The following SNX29 variants were observed in gnomAD, a reference collection of about 807,000 sequenced individuals.
SNX29 encodes sorting nexin 29, also known as sorting nexin-29.
SNX29 carries 78 observed loss-of-function variants against 102.1 expected under a neutral mutation model. That is an observed-to-expected ratio of 0.76 (90% CI 0.64 to 0.92). The LOEUF (loss-of-function observed/expected upper bound fraction) is 0.92. Ranked by LOEUF, SNX29 falls within the 40% of genes least tolerant of loss-of-function variation. The pLI, the probability that SNX29 is intolerant of heterozygous loss-of-function variation, is 0.00. For synonymous variants in SNX29, 580 were observed against 414.5 expected (o/e 1.40, Z -4.85); for missense variants, 1,280 against 1,061.7 (o/e 1.21, Z -2.86).
intron 14 of SNX29, among the ~76,000 whole-genome samples, chr16:12,247,070 A>G (rs888449639): frequency 1.3e-5 from 2 of 152,216 alleles, no homozygotes; most frequent in African/African-American, 4.8e-5. Flanking sequence ...TAAGAAAGAT[A>G]GAAAACCTTT....
chr16:12,098,058 G>C lies in SNX29; in HGVS notation c.1402+19143G>C, dbSNP rs1216103767. 1.3e-5 allele frequency among the ~76,000 whole-genome samples: 2 copies of C among 152,208 alleles called. No homozygotes were observed. The highest frequency in any genetic ancestry group is 4.8e-5 in the African/African-American group (2 of 41,456). On this transcript the variant is annotated intron_variant, in intron 11 of 20. Transcript: ENST00000566228. The surrounding 1 kb of genome is among the most constrained non-coding windows in gnomAD (Gnocchi z 6.0). ...GTCCGTTTCCTTATTTCCAAAAGGAGGTGAATAGCACTTGCCATGTGCAGT... is the reference window on the plus strand; with the variant it reads ...GTCCGTTTCCTTATTTCCAAAAGGACGTGAATAGCACTTGCCATGTGCAGT...
rs147155485 is a variant in SNX29 at position 12,401,514 on chromosome 16, C to G, written c.1956-1934C>G. Among the ~76,000 whole-genome samples the G allele has an allele frequency of 5.2e-3, 798 of 152,002 alleles. 8 individuals are homozygous for G. The highest frequency in any genetic ancestry group is 0.014 in the Middle Eastern group (4 of 292). ...AAGTAGCTGGGACTACAGGCGCGTG[C>G]CACCATGCCCAGCTAATTTTTGTAT... On this transcript the variant is annotated intron_variant, in intron 17 of 20. Coordinates refer to ENST00000566228, the MANE Select transcript of SNX29 (RefSeq NM_032167.5).
At chr16:12,529,260 G>C (rs1487784298) in intron 20 of SNX29, among the ~76,000 whole-genome samples, 1 of 152,178 alleles carries the variant, frequency 6.6e-6, no homozygotes, top group Non-Finnish European at 1.5e-5. Flanking sequence ...CCAAGACAAG[G>C]AACAGATGAG....
At chr16:12,087,937 T>C in intron 11 of SNX29, 2 of 456,768 alleles carry the variant, frequency 4.4e-6, no homozygotes, top group South Asian at 3.1e-5. Flanking sequence ...GCAATACGCT[T>C]TTGAAGGAGG....
chr16:12,478,984 C>G (rs998008896), intron 19 of SNX29, among the ~76,000 whole-genome samples: 5 of 152,192 alleles, frequency 3.3e-5, no homozygotes, highest in African/African-American at 9.6e-5. Flanking sequence ...AGAGCCATGA[C>G]CTTTCTCAGG....
At chr16:12,054,371 T>A (rs754986443) in intron 8 of SNX29, among the ~76,000 whole-genome samples, 11 of 152,238 alleles carry the variant, frequency 7.2e-5, no homozygotes, top group Non-Finnish European at 1.5e-4. Context: ...GATGCCCAGA[T>A]TGAATATTCT....
rs7195313 is a variant in SNX29, at chr16:12,561,982, G to C, written c.2319-6524G>C. ...CATGATGTCCCCAGAGTGTCTACCAGCTTGGTGACAATGGACCCTGCAACC... is the reference window on the plus strand; with the variant it reads ...CATGATGTCCCCAGAGTGTCTACCACCTTGGTGACAATGGACCCTGCAACC... On this transcript the variant is annotated intron_variant, in intron 20 of 20. Coordinates refer to ENST00000566228, the MANE Select transcript of SNX29 (RefSeq NM_032167.5). 2.2e-3 allele frequency among the ~76,000 whole-genome samples: 334 copies of C among 152,270 alleles called. 1 individual carries two copies. The highest frequency in any genetic ancestry group is 7.6e-3 in the African/African-American group (315 of 41,562).
At chr16:12,068,283 C>T (rs943263077) in intron 9 of SNX29, among the ~76,000 whole-genome samples, 1 of 151,800 alleles carries the variant, frequency 6.6e-6, no homozygotes, top group Non-Finnish European at 1.5e-5. Flanking sequence ...TTGAGACCAG[C>T]CTGGGCAACA....
chr16:12,146,871 C>G (rs1033097459), intron 13 of SNX29, among the ~76,000 whole-genome samples: 3 of 152,190 alleles, frequency 2.0e-5, no homozygotes, highest in African/African-American at 7.2e-5. Context: ...TAAATTTCTT[C>G]ATGAGCCTTT....
In SNX29 at chr16:12,438,391, C is replaced by T. The variant is rs143938261; in HGVS notation, c.2037+34862C>T. On this transcript the variant is annotated intron_variant, in intron 18 of 20. Coordinates refer to ENST00000566228, the MANE Select transcript of SNX29 (RefSeq NM_032167.5). ...TTCTGCTGGTGTCCTTCTCCTTTCC[C>T]CCTTACCACCCAGTTTACCTCTCCC... is the stretch of plus-strand genomic sequence containing the variant. 2.5e-3 allele frequency among the ~76,000 whole-genome samples: 375 copies of T among 152,236 alleles called. 1 individual carries two copies. The highest frequency in any genetic ancestry group is 8.7e-3 in the African/African-American group (362 of 41,532).
chr16:12,184,381 G>A (rs936409810), intron 13 of SNX29, among the ~76,000 whole-genome samples: 4 of 152,152 alleles, frequency 2.6e-5, no homozygotes, highest in African/African-American at 9.7e-5. Context: ...TGAATGTTGG[G>A]CTGTAGAAAC....
At chr16:12,505,097 C>T (rs1411685826) in intron 19 of SNX29, among the ~76,000 whole-genome samples, 1 of 152,196 alleles carries the variant, frequency 6.6e-6, no homozygotes, top group African/African-American at 2.4e-5. Context: ...TAGTGAGACT[C>T]TGTCTCTACA....
chr16:12,034,937 G>T (rs901413014), intron 4 of SNX29, among the ~76,000 whole-genome samples: 2 of 152,108 alleles, frequency 1.3e-5, no homozygotes, highest in African/African-American at 4.8e-5. Flanking sequence ...CTTGAATCCA[G>T]GAGGCGGAGG....
At chr16:12,362,299 G>A (rs1340403146) in intron 16 of SNX29, among the ~76,000 whole-genome samples, 1 of 152,146 alleles carries the variant, frequency 6.6e-6, no homozygotes, top group African/African-American at 2.4e-5. Context: ...TGGAAGGCTG[G>A]CTGGCAGTCC....
At chr16:11,980,244 T>C (rs979907764) in intron 1 of SNX29, among the ~76,000 whole-genome samples, 4 of 152,330 alleles carry the variant, frequency 2.6e-5, no homozygotes, top group Non-Finnish European at 4.4e-5. Flanking sequence ...GGGTATTTCA[T>C]ATAAATGAAA....
chr16:12,396,123 C>T (rs1357540393), intron 16 of SNX29, among the ~76,000 whole-genome samples: 2 of 152,206 alleles, frequency 1.3e-5, no homozygotes, highest in Admixed American at 6.5e-5. Flanking sequence ...CTCCTGGGTA[C>T]GCATATCCCC....
chr16:12,419,299 G>T (rs1004975446), intron 18 of SNX29, among the ~76,000 whole-genome samples: 1 of 152,136 alleles, frequency 6.6e-6, no homozygotes, highest in Non-Finnish European at 1.5e-5. Flanking sequence ...CATCTCCTCA[G>T]CAGGACCCGG....
At chr16:12,511,754 G>A (rs2089630349) in intron 19 of SNX29, among the ~76,000 whole-genome samples, 1 of 152,152 alleles carries the variant, frequency 6.6e-6, no homozygotes, top group Non-Finnish European at 1.5e-5. Flanking sequence ...AGGGATTGGG[G>A]CTATGATCTG....
chr16:12,171,337 A>G (rs1168324420), intron 13 of SNX29, among the ~76,000 whole-genome samples: 4 of 150,606 alleles, frequency 2.7e-5, no homozygotes, highest in Admixed American at 2.6e-4. Context: ...TTTTGAAGGG[A>G]GGGAGGGAGA....
Sources: gnomAD v4.1 joint callset for allele counts (sites outside exome capture counted in the v4.1 genomes callset) on GRCh38, gnomAD v4.1.1 for gene constraint, Gnocchi (gnomAD v3.1) non-coding constraint, MANE v1.5 for transcripts, NCBI Gene and HGNC (gene_info 2026-07-23, HGNC 2026-07-21) for gene names.